Variants in SPATA21 observed in about 807,000 individuals in gnomAD.
SPATA21 encodes spermatogenesis-associated protein 21.
A neutral mutation model predicts 54.8 loss-of-function variants in SPATA21; 47 were observed. The observed-to-expected ratio is 0.86, with a 90% CI of 0.68 to 1.09. The LOEUF (loss-of-function observed/expected upper bound fraction) is 1.09, where lower values mean the gene tolerates loss of function less well. SPATA21 is among the 50% of genes least tolerant of loss of function. The pLI is 0.00. For missense variants in SPATA21, 599 were observed against 596.4 expected (o/e 1.00, Z -0.05); for synonymous variants, 245 against 235.3 (o/e 1.04, Z -0.38).
intron 7 of SPATA21, among the ~76,000 whole-genome samples, chr1:16,405,799 G>C (rs1252037063): frequency 6.6e-6 from 1 of 152,166 alleles, no homozygotes; most frequent in South Asian, 2.1e-4. Context: ...ACAATGCAGC[G>C]ATCCTTGCAA....
At chr1:16,402,027 G>A (rs1328296888) in intron 10 of SPATA21, among the ~76,000 whole-genome samples, 1 of 152,108 alleles carries the variant, frequency 6.6e-6, no homozygotes, top group Non-Finnish European at 1.5e-5. Flanking sequence ...GGGTGCCGCA[G>A]TGGCCACTTT....
At chr1:16,408,231 T>C (rs2085709898) in intron 7 of SPATA21, among the ~76,000 whole-genome samples, 1 of 152,180 alleles carries the variant, frequency 6.6e-6, no homozygotes, top group Non-Finnish European at 1.5e-5. Context: ...TCCATTCTTC[T>C]AGGGCCAGGG....
intron 1 of SPATA21, among the ~76,000 whole-genome samples, chr1:16,433,313 G>T (rs1283694736): frequency 6.6e-6 from 1 of 152,236 alleles, no homozygotes; most frequent in Admixed American, 6.5e-5. Context: ...GACCTCAGCT[G>T]GTTTGGTGGG....
chr1:16,399,266 TC>T (rs1210785763), intron 12 of SPATA21, 77 bp downstream of exon 12: 1 of 1,440,922 alleles, frequency 6.9e-7, no homozygotes, highest in Non-Finnish European at 9.3e-7. Context: ...AAAGATGGAT[TC>T]CCAGGCATTA....
chr1:16,413,635 C>G (rs2085917973), intron 5 of SPATA21, among the ~76,000 whole-genome samples: 1 of 150,152 alleles, frequency 6.7e-6, no homozygotes, highest in Non-Finnish European at 1.5e-5. Context: ...TTTTTTGAGA[C>G]AGAGTTTCAC....
At chr1:16,429,474 G>GTTTT (rs2086403871) in intron 3 of SPATA21, among the ~76,000 whole-genome samples, 1 of 151,736 alleles carries the variant, frequency 6.6e-6, no homozygotes, top group South Asian at 2.1e-4. Flanking sequence ...TTGTTTGTTT[G>GTTTT]TTTGTTTATT....
chr1:16,429,915 A>G (rs1311779580), intron 3 of SPATA21, among the ~76,000 whole-genome samples: 1 of 150,950 alleles, frequency 6.6e-6, no homozygotes, highest in Non-Finnish European at 1.5e-5. Flanking sequence ...CTGTAATCCT[A>G]ACATTTTGGG....
upstream of SPATA21, chr1:16,437,556 C>T (rs1322712438): frequency 1.3e-5 from 2 of 152,202 alleles, no homozygotes; most frequent in African/African-American, 4.8e-5. Flanking sequence ...TCTCTTTGCT[C>T]CCACAGGCCC....
At position 16,404,625 on chromosome 1, in the gene SPATA21, C is replaced by T. The variant is rs141145917; in HGVS notation, c.811+342G>A. ...TGAGTCCAGGAGTTTGAGACCAGCC[C>T]GGGCAACAAAGACTCCATCTCTACA... On this transcript the variant is annotated intron_variant, in intron 8 of 12. Transcript: ENST00000335496. Among the ~76,000 whole-genome samples the T allele has an allele frequency of 2.6e-4, 39 of 152,100 alleles. No homozygotes were observed. The East Asian group carries it at 7.2e-3, about 28-fold the overall frequency.
intron 1 of SPATA21, among the ~76,000 whole-genome samples, chr1:16,435,621 CCT>C (rs1491248694): frequency 1.3e-5 from 2 of 150,420 alleles, no homozygotes; most frequent in Non-Finnish European, 3.0e-5. Context: ...CCGGCCCCCC[CCT>C]TTTTTTTTTT....
intron 3 of SPATA21, among the ~76,000 whole-genome samples, chr1:16,423,412 CAAAAAAAA>C (rs1161125061): frequency 1.7e-5 from 1 of 59,146 alleles, no homozygotes; most frequent in Non-Finnish European, 3.7e-5. Flanking sequence ...GACTCCATGT[CAAAAAAAA>C]AAAAAAAAAA....
At chr1:16,420,331 T>C (rs1361428099) in intron 5 of SPATA21, among the ~76,000 whole-genome samples, 1 of 151,520 alleles carries the variant, frequency 6.6e-6, no homozygotes, top group Admixed American at 6.6e-5. Flanking sequence ...GGGACAATTA[T>C]TGAGGGATGG....
intron 3 of SPATA21, among the ~76,000 whole-genome samples, chr1:16,426,226 T>C (rs2086313244): frequency 6.6e-6 from 1 of 151,986 alleles, no homozygotes; most frequent in Non-Finnish European, 1.5e-5. Context: ...GAGTATTTCC[T>C]CCAAGCTTCT....
At chr1:16,431,519 G>C (rs1027124054) in intron 2 of SPATA21, 97 bp from the exon 3 acceptor site, 16 of 1,207,782 alleles carry the variant, frequency 1.3e-5, no homozygotes, top group Admixed American at 5.2e-5. Flanking sequence ...AGCCTGGCTC[G>C]AGGGAAGAGG....
At chr1:16,430,764 G>A (rs2086439123) in intron 3 of SPATA21, among the ~76,000 whole-genome samples, 1 of 152,214 alleles carries the variant, frequency 6.6e-6, no homozygotes, top group South Asian at 2.1e-4. Flanking sequence ...ATTGTATCAA[G>A]AGATCCAGAC....
In SPATA21 at chr1:16,421,395, G is replaced by A; in HGVS notation, c.144+114C>T. On this transcript the variant is annotated intron_variant, in intron 5 of 12. Coordinates refer to ENST00000335496, the MANE Select transcript of SPATA21 (RefSeq NM_198546.1). The surrounding 1 kb of genome is among the most constrained non-coding windows in gnomAD (Gnocchi z 5.2). The stretch of plus-strand genomic sequence containing the variant: ...CAGCCACACACACCTTCCTTGGTTT[G>A]ACTCCAAATAGGGGTTTGACGTGCC... 9.5e-7 allele frequency: 1 copy of A among 1,049,642 alleles called. No individual in the cohort carries two copies. 65.0% of individuals were successfully genotyped at this position (1,049,642 alleles called of 1,614,324 possible). A position where few individuals can be genotyped will look rare whatever the true frequency, so the allele number is the denominator to read the frequency against.
At chr1:16,425,385 A>T (rs1192354954) in intron 3 of SPATA21, 6 of 932,172 alleles carry the variant, frequency 6.4e-6, no homozygotes, top group African/African-American at 3.3e-5. Flanking sequence ...GGCTCAAGGG[A>T]TCACCCCTGC....
chr1:16,408,670 G>T, intron 7 of SPATA21: 1 of 240,366 alleles, frequency 4.2e-6, no homozygotes, highest in Non-Finnish European at 6.7e-6. Context: ...TCAGGAGTTC[G>T]AGACCAGCCT....
In SPATA21 at chr1:16,399,538, CA is replaced by C; in HGVS notation, c.1175-18del. ...GGTTGGGAGCTGGTGAAGAAGGAGG[CA>C]GAAGGAGGAATGCTTCACAGCATGC... is the stretch of plus-strand genomic sequence containing the variant. On this transcript the variant is annotated intron_variant, in intron 11 of 12. Transcript: ENST00000335496. 6.2e-7 allele frequency: 1 copy of C among 1,609,060 alleles called. No homozygotes were observed. Among genetic ancestry groups the C allele is most frequent in the Non-Finnish European group, 8.5e-7 (1 of 1,177,996 alleles).
Sources: allele counts gnomAD v4.1 joint callset (sites outside exome capture counted in the v4.1 genomes callset), GRCh38; gene constraint gnomAD v4.1.1; non-coding constraint Gnocchi (gnomAD v3.1); transcripts MANE v1.5; gene names NCBI Gene and HGNC (gene_info 2026-07-23, HGNC 2026-07-21).